Variants in COL4A5 observed in about 807,000 individuals in gnomAD.
The protein encoded by COL4A5 is collagen type IV alpha 5 chain, also known as collagen alpha-5(IV) chain.
Under a neutral mutation model 130.2 loss-of-function variants are expected in COL4A5, and 26 were observed. The observed-to-expected ratio is 0.20, with a 90% CI of 0.15 to 0.28. The LOEUF is 0.28. Among genes scored for constraint, COL4A5 ranks in the 10% least tolerant of loss-of-function variants. The pLI is 1.00. For missense variants in COL4A5, 1,131 were observed against 1,344.3 expected, an observed-to-expected ratio of 0.84 and a Z score of 2.48; for synonymous variants, 496 against 439.6, an observed-to-expected ratio of 1.13 and a Z score of -1.60.
intron 1 of COL4A5, among the ~76,000 whole-genome samples, chrX:108,503,201 G>T (rs7877843): frequency 0.1 from 11,619 of 111,157 alleles, 1,298 homozygotes; most frequent in African/African-American, 0.34. Flanking sequence ...GAAGATAATG[G>T]GTACTCGTCT....
chrX:108,509,777 C>T (rs1406225745), intron 1 of COL4A5, among the ~76,000 whole-genome samples: 1 of 111,834 alleles, frequency 8.9e-6, no homozygotes, highest in Admixed American at 9.5e-5. Context: ...AACAGAACTA[C>T]CATTGCACCC....
chrX:108,669,831 G>A (rs773879074), intron 41 of COL4A5, among the ~76,000 whole-genome samples: 4 of 111,888 alleles, frequency 3.6e-5, no homozygotes, highest in South Asian at 7.4e-4. Flanking sequence ...AATAACAAAA[G>A]TAGTTAGAAG....
intron 36 of COL4A5, among the ~76,000 whole-genome samples, chrX:108,650,708 A>T (rs1053127877): frequency 6.3e-5 from 7 of 110,825 alleles, no homozygotes; most frequent in African/African-American, 2.3e-4. Context: ...GCTCTCCCTG[A>T]TATGTGGGAG....
intron 49 of COL4A5, among the ~76,000 whole-genome samples, chrX:108,688,629 G>T (rs1349157651): frequency 6.3e-5 from 7 of 111,083 alleles, no homozygotes; most frequent in African/African-American, 2.3e-4. Context: ...TAGAGACGGG[G>T]TTTCACCATG....
At chrX:108,454,806 A>G (rs2064566631) in intron 1 of COL4A5, among the ~76,000 whole-genome samples, 1 of 108,800 alleles carries the variant, frequency 9.2e-6, no homozygotes, top group Admixed American at 9.9e-5. Context: ...TATCGAGACA[A>G]GGTCTCCTGC....
At position 108,543,765 on chromosome X, in the gene COL4A5, G is replaced by A. The variant is rs368987596; in HGVS notation, c.141+3960G>A. ...GCATGGAATGTTCTTGCATTTGTTT[G>A]TATCCTCTTTTATTTCGTTGAGCAG... On this transcript the variant is annotated intron_variant, in intron 2 of 52. Transcript: ENST00000328300. Among the ~76,000 whole-genome samples, 109 of 111,965 alleles carry A rather than the reference G, an allele frequency of 9.7e-4. 3 individuals carry two copies. The East Asian group carries it at 0.03, about 30-fold the overall frequency.
rs1165325921 is a variant in COL4A5, at chrX:108,526,665, TTCTTTC to T, written c.82-13073_82-13068del. Among the ~76,000 whole-genome samples, 356 of 55,036 alleles carry T rather than the reference TTCTTTC, an allele frequency of 6.5e-3. 14 individuals carry two copies. Among genetic ancestry groups the T allele is most frequent in the African/African-American group, 0.028 (296 of 10,421 alleles). 47.8% of individuals were successfully genotyped at this position (55,036 alleles called of 115,157 possible). ...CTTTCTTTCTTTCTTTCTTTCTTCT[TTCTTTC>T]TCTTTCTTTCTTTCTTTCTTTCTTT... On this transcript the variant is annotated intron_variant, in intron 1 of 52. Transcript: ENST00000328300.
chrX:108,554,755 G>A (rs2065799835), intron 2 of COL4A5, among the ~76,000 whole-genome samples: 1 of 110,880 alleles, frequency 9.0e-6, no homozygotes, highest in African/African-American at 3.3e-5. Context: ...CAGCTACTCA[G>A]GGAGGCTGAG....
chrX:108,542,592 G>C (rs1490099857), intron 2 of COL4A5, among the ~76,000 whole-genome samples: 1 of 109,639 alleles, frequency 9.1e-6, no homozygotes, highest in Non-Finnish European at 1.9e-5. Flanking sequence ...CTTTATAGCA[G>C]CATGATTTAT....
At chrX:108,469,791 A>G (rs2064745646) in intron 1 of COL4A5, among the ~76,000 whole-genome samples, 1 of 110,933 alleles carries the variant, frequency 9.0e-6, no homozygotes, top group African/African-American at 3.3e-5. Context: ...TACCCAGGCT[A>G]CCTCCTCTAG....
chrX:108,549,152 A>C (rs1170285626), intron 2 of COL4A5, among the ~76,000 whole-genome samples: 1 of 111,947 alleles, frequency 8.9e-6, no homozygotes, highest in Non-Finnish European at 1.9e-5. Flanking sequence ...TTCAAAATAC[A>C]TGAAGCCAAA....
At chrX:108,528,647 G>C (rs1037774496) in intron 1 of COL4A5, among the ~76,000 whole-genome samples, 4 of 112,205 alleles carry the variant, frequency 3.6e-5, no homozygotes, top group Non-Finnish European at 7.5e-5. Context: ...TTAAGGATAA[G>C]AATGAACAAT....
At chrX:108,470,785 A>G (rs2064759816) in intron 1 of COL4A5, among the ~76,000 whole-genome samples, 1 of 111,729 alleles carries the variant, frequency 9.0e-6, no homozygotes, top group African/African-American at 3.3e-5. Flanking sequence ...GATGTGCTAC[A>G]TTTAAGTCTT....
chrX:108,470,917 C>G (rs988154535), intron 1 of COL4A5, among the ~76,000 whole-genome samples: 4 of 111,546 alleles, frequency 3.6e-5, no homozygotes, highest in African/African-American at 1.3e-4. Context: ...TTTCCCATTA[C>G]TTGTTATTGC....
At chrX:108,537,236 G>C (rs1258305216) in intron 1 of COL4A5, among the ~76,000 whole-genome samples, 5 of 111,063 alleles carry the variant, frequency 4.5e-5, no homozygotes, top group African/African-American at 1.6e-4. Flanking sequence ...TGGTTGGTGT[G>C]CGTATTACAA....
chrX:108,640,874 T>C (rs749639523), intron 36 of COL4A5, among the ~76,000 whole-genome samples: 13 of 111,993 alleles, frequency 1.2e-4, no homozygotes, highest in Non-Finnish European at 2.1e-4. Context: ...ATAGTTTTTA[T>C]CAGTTAAAAA....
intron 26 of COL4A5, 107 bp from the exon 27 acceptor site, chrX:108,601,778 C>T (rs922721627): frequency 5.2e-5 from 28 of 539,155 alleles, no homozygotes; most frequent in Middle Eastern, 5.2e-4. Flanking sequence ...TGACCCATTG[C>T]CTCAGCCTCC....
chrX:108,546,974 A>G (rs2044018385), intron 2 of COL4A5, among the ~76,000 whole-genome samples: 1 of 111,224 alleles, frequency 9.0e-6, no homozygotes, highest in Admixed American at 9.5e-5. Context: ...TCCTTTAAGG[A>G]CTTCTCTGCA....
chrX:108,469,560 G>A (rs777516696), intron 1 of COL4A5, among the ~76,000 whole-genome samples: 38 of 111,271 alleles, frequency 3.4e-4, no homozygotes, highest in Non-Finnish European at 7.0e-4. Context: ...TTTAGCTAAA[G>A]ATTTGTCAAT....
Sources: gnomAD v4.1 joint callset for allele counts (sites outside exome capture counted in the v4.1 genomes callset) on GRCh38, gnomAD v4.1.1 for gene constraint, MANE v1.5 for transcripts, NCBI Gene and HGNC (gene_info 2026-07-23, HGNC 2026-07-21) for gene names.